ALDH1L2: variants seen among roughly 807,000 people sequenced by gnomAD.
ALDH1L2 encodes mitochondrial 10-formyltetrahydrofolate dehydrogenase.
In ALDH1L2, 91 loss-of-function variants were observed where a neutral mutation model predicts 111.0. That is an observed-to-expected ratio of 0.82 (90% CI 0.69 to 0.98). The LOEUF (loss-of-function observed/expected upper bound fraction) is 0.98, where lower values mean the gene tolerates loss of function less well. Ranked by LOEUF, ALDH1L2 falls within the 50% of genes least tolerant of loss-of-function variation. The probability of loss-of-function intolerance (pLI) is 0.00; values close to 1 mark genes in which losing one functional copy is unlikely to be tolerated. For missense variants in ALDH1L2, 995 were observed against 1,126.8 expected (o/e 0.88, Z 1.67); for synonymous variants, 374 against 392.6 (o/e 0.95, Z 0.56).
intron 4 of ALDH1L2, 76 bp downstream of exon 4, chr12:105,068,643 T>G: frequency 7.9e-7 from 1 of 1,271,862 alleles, no homozygotes; most frequent in Admixed American, 3.1e-5. Flanking sequence ...TTCATATGGA[T>G]AATTTCTTCA....
chr12:105,077,285 T>G (rs1388463084), intron 1 of ALDH1L2, among the ~76,000 whole-genome samples: 1 of 151,818 alleles, frequency 6.6e-6, no homozygotes, highest in Non-Finnish European at 1.5e-5. Context: ...TTTTTTTTTT[T>G]TTTGAGACAG....
In ALDH1L2 at chr12:105,023,018, G is replaced by C. The variant is rs1272831954; in HGVS notation, c.*1406C>G. 3 of 152,144 alleles carry C rather than the reference G, an allele frequency of 2.0e-5. No homozygotes were observed. The highest frequency in any genetic ancestry group is 6.5e-5 in the Admixed American group (1 of 15,274). 9.4% of individuals were successfully genotyped at this position (152,144 alleles called of 1,614,324 possible). A position where few individuals can be genotyped will look rare whatever the true frequency, so the allele number is the denominator to read the frequency against. Reference sequence around the variant, plus strand: ...TGCCGCCTTCTAGTCACACATAGATGGTGAAAATTTACTCACCTGACTACT... The same window carrying C: ...TGCCGCCTTCTAGTCACACATAGATCGTGAAAATTTACTCACCTGACTACT... On this transcript the variant is annotated 3_prime_UTR_variant, in exon 23 of 23. Transcript: ENST00000258494.
At chr12:105,069,738 GA>G (rs1266453632) in intron 3 of ALDH1L2, among the ~76,000 whole-genome samples, 2 of 152,166 alleles carry the variant, frequency 1.3e-5, no homozygotes, top group African/African-American at 4.8e-5. Flanking sequence ...GGAATATTAG[GA>G]AAATGTGCAG....
Position 105,068,737 on chromosome 12 carries a change from A to G in ALDH1L2, c.576T>C (p.Pro192=), listed in dbSNP as rs764417672. 15 of 1,545,446 alleles carry G rather than the reference A, an allele frequency of 9.7e-6. No homozygotes were observed. Among genetic ancestry groups the G allele is most frequent in the South Asian group, 1.3e-5 (1 of 77,272 alleles). The part of the protein sequence containing the change: ...VDALYNRFLF[P]EGIKAMVEAV... ...TACTAACCATGGCCTTGATTCCTTC[A>G]GGAAAAAGAAACCGATTATAAAGTG... Residue 192 remains proline (P), a synonymous_variant, in exon 4 of 23, where the codon CCT becomes CCC. Coordinates refer to ENST00000258494, the MANE Select transcript of ALDH1L2 (RefSeq NM_001034173.4).
chr12:105,034,422 T>C (rs1874867863), intron 18 of ALDH1L2, 24 bp from the exon 19 acceptor site: 1 of 1,592,496 alleles, frequency 6.3e-7, no homozygotes. Context: ...AGAGAAAATA[T>C]TGCTAACATC....
rs1393474662 is a variant in ALDH1L2, at chr12:105,034,298, A to G, written c.2244+2T>C. ...CTCAGAGTAAATGTGAAGGTGCCTCACCACTCTTGTCACAAATTCGTCGTG... is the reference window on the plus strand; with the variant it reads ...CTCAGAGTAAATGTGAAGGTGCCTCGCCACTCTTGTCACAAATTCGTCGTG... On this transcript the variant is annotated splice_donor_variant, in intron 19 of 22. Coordinates refer to ENST00000258494, the MANE Select transcript of ALDH1L2 (RefSeq NM_001034173.4). LOFTEE classifies it high-confidence loss of function. 1.9e-6 allele frequency: 3 copies of G among 1,613,584 alleles called. No homozygotes were observed.
At chr12:105,032,795 A>G (rs951919289) in intron 19 of ALDH1L2, among the ~76,000 whole-genome samples, 8 of 94,038 alleles carry the variant, frequency 8.5e-5, no homozygotes, top group African/African-American at 5.7e-4. Flanking sequence ...TCACATACTT[A>G]CACTGTTCAT....
Position 105,021,584 on chromosome 12 carries a change from C to CA in ALDH1L2, c.*2839dup, listed in dbSNP as rs36037315. Reference sequence around the variant, plus strand: ...GGGCAACAAGAGCAAAACTCTGTCTCAAAAAAAAAAAAAAGTAATAATGGC... The same window carrying CA: ...GGGCAACAAGAGCAAAACTCTGTCTCAAAAAAAAAAAAAAAGTAATAATGGC... On this transcript the variant is annotated 3_prime_UTR_variant, in exon 23 of 23. Transcript: ENST00000258494. 48,160 of 137,336 alleles carry CA rather than the reference C, an allele frequency of 0.35. 8,250 individuals are homozygous for CA. The highest frequency in any genetic ancestry group is 0.53 in the South Asian group (2,342 of 4,426). 8.5% of individuals were successfully genotyped at this position (137,336 alleles called of 1,614,324 possible). A position where few individuals can be genotyped will look rare whatever the true frequency, so the allele number is the denominator to read the frequency against.
chr12:105,076,183 A>G (rs1878044162), intron 1 of ALDH1L2, among the ~76,000 whole-genome samples: 1 of 152,202 alleles, frequency 6.6e-6, no homozygotes, highest in Non-Finnish European at 1.5e-5. Context: ...ACTGACTCAG[A>G]ATCTTAAGCC....
chr12:105,052,055 T>C, intron 12 of ALDH1L2, 35 bp downstream of exon 12: 1 of 1,521,710 alleles, frequency 6.6e-7, no homozygotes, highest in Non-Finnish European at 8.8e-7. Context: ...CAGAGTTACT[T>C]TTCTAAAAAA....
At chr12:105,032,605 C>T (rs2136049855) in intron 19 of ALDH1L2, among the ~76,000 whole-genome samples, 1 of 152,232 alleles carries the variant, frequency 6.6e-6, no homozygotes, top group South Asian at 2.1e-4. Flanking sequence ...AAACTGAGGC[C>T]TAGAGGGGTT....
chr12:105,041,849 TATCA>T (rs1752713769), intron 15 of ALDH1L2, among the ~76,000 whole-genome samples: 1 of 146,570 alleles, frequency 6.8e-6, no homozygotes, highest in Admixed American at 6.9e-5. Context: ...TACGGCCCCT[TATCA>T]TTCTGACGTG....
intron 1 of ALDH1L2, among the ~76,000 whole-genome samples, chr12:105,074,648 C>A (rs1044781038): frequency 3.3e-5 from 5 of 152,050 alleles, no homozygotes; most frequent in African/African-American, 1.2e-4. Context: ...CCCCTCCAAT[C>A]TAAATGGGAT....
intron 18 of ALDH1L2, among the ~76,000 whole-genome samples, chr12:105,036,670 G>A (rs1252540563): frequency 6.8e-6 from 1 of 147,042 alleles, no homozygotes; most frequent in Non-Finnish European, 1.5e-5. Context: ...ACCTGCCTGG[G>A]CAACATAGTG....
rs1222033495 is a variant in ALDH1L2, at chr12:105,020,579, A to G, written c.*3845T>C. 6.6e-6 allele frequency: 1 copy of G among 152,262 alleles called. No homozygotes were observed. Among genetic ancestry groups the G allele is most frequent in the Non-Finnish European group, 1.5e-5 (1 of 68,048 alleles). 9.4% of individuals were successfully genotyped at this position (152,262 alleles called of 1,614,324 possible). ...TTCTAATGGGAAAAGATCATTGATT[A>G]ATATACAACAGGTAGTGATAAGTGC... is the stretch of plus-strand genomic sequence containing the variant. On this transcript the variant is annotated 3_prime_UTR_variant, in exon 23 of 23. Transcript: ENST00000258494.
rs111310364 is a variant in ALDH1L2 at position 105,049,783 on chromosome 12, T to C, written c.1686+125A>G. On this transcript the variant is annotated intron_variant, in intron 13 of 22. Transcript: ENST00000258494. ...TTCTGTTACAGCAGCATAAAATGGA[T>C]TGAGACAACCCTGTTATGTTGGTGT... The C allele has an allele frequency of 1.2e-4, 135 of 1,118,510 alleles. 1 individual carries two copies. In the African/African-American group the frequency reaches 2.0e-3, roughly 16 times the overall value. 69.3% of individuals were successfully genotyped at this position (1,118,510 alleles called of 1,614,324 possible).
rs764433672 is a variant in ALDH1L2, at chr12:105,031,837, T to C, written c.2342A>G (p.Gln781Arg). The C allele has an allele frequency of 3.1e-6, 5 of 1,614,200 alleles. No homozygotes were observed. The highest frequency in any genetic ancestry group is 4.2e-6 in the Non-Finnish European group (5 of 1,180,030). ...NHKAHLEKLL[Q>R]YCETGVKEGA... ...TTCTTTCACTCCAGTTTCACAGTAT[T>C]GCAGCAGCTTTTCCAGATGAGCCTT... Residue 781 changes from glutamine to arginine, a missense_variant, in exon 20 of 23, where the codon CAA becomes CGA. Gln to Arg is a conservative substitution (Grantham distance 43). Transcript: ENST00000258494.
intron 1 of ALDH1L2, among the ~76,000 whole-genome samples, chr12:105,083,114 T>C (rs891978758): frequency 1.4e-4 from 21 of 152,340 alleles, no homozygotes; most frequent in Admixed American, 2.6e-4. Context: ...ACTATCAAAA[T>C]CTTTTCATTC....
chr12:105,050,590 C>G lies in ALDH1L2; in HGVS notation c.1536-532G>C, dbSNP rs187747739. 112 of 395,558 alleles carry G rather than the reference C, an allele frequency of 2.8e-4. 2 individuals carry two copies. Among genetic ancestry groups the G allele is most frequent in the African/African-American group, 2.2e-3 (106 of 47,792 alleles). 24.5% of individuals were successfully genotyped at this position (395,558 alleles called of 1,614,324 possible). On this transcript the variant is annotated intron_variant, in intron 12 of 22. Transcript: ENST00000258494. ...GTGTTCAACTTCTCTATTTATTTTT[C>G]TTCTGTATTTGTAGTGGTTCTCTGA...
Sources: gnomAD v4.1 joint callset for allele counts (sites outside exome capture counted in the v4.1 genomes callset) on GRCh38, gnomAD v4.1.1 for gene constraint, MANE v1.5 for transcripts, NCBI Gene and HGNC (gene_info 2026-07-23, HGNC 2026-07-21) for gene names.